The following AGMO variants were observed in gnomAD, a reference collection of about 807,000 sequenced individuals.
AGMO encodes the protein alkylglycerol monooxygenase.
A neutral mutation model predicts 60.2 loss-of-function variants in AGMO; 75 were observed. The observed-to-expected ratio is 1.25, with a 90% CI of 1.03 to 1.51. AGMO has a LOEUF of 1.51. Ranked by LOEUF, AGMO falls within the 40% of genes most tolerant of loss-of-function variation. AGMO has a pLI of 0.00. For synonymous variants in AGMO, 261 were observed against 177.1 expected (o/e 1.47, Z -3.76); for missense variants, 763 against 525.5 (o/e 1.45, Z -4.42).
chr7:15,432,216 T>C, intron 3 of AGMO, among the ~76,000 whole-genome samples: 1 of 151,342 alleles, frequency 6.6e-6, no homozygotes, highest in East Asian at 1.9e-4. Flanking sequence ...AAATATCAGG[T>C]TAATTTTCTT....
intron 3 of AGMO, among the ~76,000 whole-genome samples, chr7:15,475,734 C>G (rs777013073): frequency 2.0e-5 from 3 of 151,752 alleles, no homozygotes; most frequent in Non-Finnish European, 4.4e-5. Flanking sequence ...AAATGTAAAT[C>G]TTGTCATGCT....
the AGMO span, among the ~76,000 whole-genome samples, chr7:15,128,963 T>C: frequency 6.6e-6 from 1 of 151,928 alleles, no homozygotes; most frequent in Non-Finnish European, 1.5e-5. Flanking sequence ...AGCTTTATAG[T>C]GAAAAAAGGA....
intron 3 of AGMO, among the ~76,000 whole-genome samples, chr7:15,526,866 A>G (rs1283096725): frequency 1.3e-5 from 2 of 152,114 alleles, no homozygotes; most frequent in African/African-American, 4.8e-5. Flanking sequence ...CAATATTTCA[A>G]ACTTTTTCAT....
At chr7:15,158,222 C>G in the AGMO span, among the ~76,000 whole-genome samples, 1 of 152,112 alleles carries the variant, frequency 6.6e-6, no homozygotes, top group Admixed American at 6.6e-5. Context: ...GGCTCTGTTA[C>G]TAGGTTTGGA....
intron 12 of AGMO, among the ~76,000 whole-genome samples, chr7:15,255,534 C>CAAAAA (rs60035165): frequency 2.4e-3 from 271 of 115,034 alleles, no homozygotes; most frequent in South Asian, 3.3e-3. Context: ...TGTAAGAATA[C>CAAAAA]AAAAAAAAAA....
intron 5 of AGMO, among the ~76,000 whole-genome samples, chr7:15,407,241 A>G (rs1381275258): frequency 6.8e-6 from 1 of 146,856 alleles, no homozygotes; most frequent in East Asian, 2.0e-4. Context: ...ACATATATAT[A>G]TATATATATG....
At chr7:15,369,861 A>T (rs1446197418) in intron 10 of AGMO, among the ~76,000 whole-genome samples, 1 of 152,148 alleles carries the variant, frequency 6.6e-6, no homozygotes. Context: ...ATGTTATTAC[A>T]TTGCTAATAT....
intron 12 of AGMO, among the ~76,000 whole-genome samples, chr7:15,276,412 G>A (rs2128516575): frequency 6.6e-6 from 1 of 152,022 alleles, no homozygotes; most frequent in South Asian, 2.1e-4. Context: ...GTGTTAATCT[G>A]ATGAGATTTA....
chr7:15,151,654 G>A, the AGMO span, among the ~76,000 whole-genome samples: 1 of 152,040 alleles, frequency 6.6e-6, no homozygotes, highest in Admixed American at 6.6e-5. Context: ...TTTTCATTGT[G>A]TCGTGATGTG....
At chr7:15,204,291 A>G (rs1275305505) in intron 12 of AGMO, among the ~76,000 whole-genome samples, 2 of 152,060 alleles carry the variant, frequency 1.3e-5, no homozygotes, top group Non-Finnish European at 2.9e-5. Flanking sequence ...TCCTTGTCCA[A>G]CTGTTCTCTT....
chr7:15,558,531 A>G (rs978897), intron 2 of AGMO, among the ~76,000 whole-genome samples: 38,768 of 151,950 alleles, frequency 0.26, 7,434 homozygotes, highest in African/African-American at 0.55. Flanking sequence ...TTCTGCTTAA[A>G]GGGGACAAGT....
At chr7:15,145,881 T>C in the AGMO span, among the ~76,000 whole-genome samples, 9 of 152,282 alleles carry the variant, frequency 5.9e-5, no homozygotes, top group Middle Eastern at 3.4e-3. Flanking sequence ...CTTCAAATGT[T>C]TGGTATAGTA....
chr7:15,401,790 C>G (rs1254362911), intron 5 of AGMO, among the ~76,000 whole-genome samples: 1 of 151,880 alleles, frequency 6.6e-6, no homozygotes, highest in Non-Finnish European at 1.5e-5. Flanking sequence ...TTTACAGAAC[C>G]CTCTTTATAA....
chr7:15,305,301 T>A (rs942513464), intron 12 of AGMO, among the ~76,000 whole-genome samples: 6 of 150,942 alleles, frequency 4.0e-5, no homozygotes, highest in African/African-American at 1.5e-4. Flanking sequence ...TAAAATAAGG[T>A]TTGAAGATTA....
chr7:15,539,086 A>G (rs951642664), intron 3 of AGMO, among the ~76,000 whole-genome samples: 1 of 152,108 alleles, frequency 6.6e-6, no homozygotes, highest in Non-Finnish European at 1.5e-5. Context: ...TATAATAGTA[A>G]AAGGTGCAAC....
chr7:15,393,789 T>C (rs1244646110), intron 6 of AGMO, among the ~76,000 whole-genome samples: 1 of 152,202 alleles, frequency 6.6e-6, no homozygotes, highest in Non-Finnish European at 1.5e-5. Context: ...AGAAGTAGCC[T>C]TTGACAGAAT....
At position 15,322,981 on chromosome 7, in the gene AGMO, A is replaced by ATTTT. The variant is rs146681446; in HGVS notation, c.1263+42532_1263+42533insAAAA. Among the ~76,000 whole-genome samples the ATTTT allele has an allele frequency of 5.8e-4, 85 of 146,408 alleles. 1 individual carries two copies. The highest frequency in any genetic ancestry group is 2.0e-3 in the African/African-American group (81 of 39,890). The stretch of plus-strand genomic sequence containing the variant: ...AACACGTGTGTGTATATATATATGT[A>ATTTT]TTTATTTTTTATTTTTTCCTGTATC... On this transcript the variant is annotated intron_variant, in intron 12 of 12. Coordinates refer to ENST00000342526, the MANE Select transcript of AGMO (RefSeq NM_001004320.2).
chr7:15,244,830 T>G (rs552146249), intron 12 of AGMO, among the ~76,000 whole-genome samples: 1 of 152,192 alleles, frequency 6.6e-6, no homozygotes, highest in African/African-American at 2.4e-5. Context: ...TTTTTTGTAT[T>G]TTTAGTAGAG....
chr7:15,441,596 A>G (rs1236312820), intron 3 of AGMO, among the ~76,000 whole-genome samples: 1 of 152,002 alleles, frequency 6.6e-6, no homozygotes, highest in Non-Finnish European at 1.5e-5. Flanking sequence ...ATCATGGGAG[A>G]ACTGTCTTGA....
Sources: gnomAD v4.1 joint callset for allele counts (sites outside exome capture counted in the v4.1 genomes callset) on GRCh38, gnomAD v4.1.1 for gene constraint, MANE v1.5 for transcripts, NCBI Gene and HGNC (gene_info 2026-07-23, HGNC 2026-07-21) for gene names.